Variants in MAF observed in about 807,000 individuals in gnomAD.
MAF encodes the protein transcription factor Maf.
In MAF, 10 loss-of-function variants were observed where a neutral mutation model predicts 22.0. The ratio of observed to expected loss-of-function variants is 0.45; its 90% CI spans 0.28 to 0.77. The LOEUF is 0.77. Ranked by LOEUF, MAF falls within the 30% of genes least tolerant of loss-of-function variation. The probability of loss-of-function intolerance (pLI) is 0.12; values close to 1 mark genes in which losing one functional copy is unlikely to be tolerated. For missense variants in MAF, 544 were observed against 548.4 expected, an observed-to-expected ratio of 0.99 and a Z score of 0.08; for synonymous variants, 337 against 255.8, an observed-to-expected ratio of 1.32 and a Z score of -3.03.
chr16:79,511,809 C>A, the MAF span, among the ~76,000 whole-genome samples: 5 of 152,324 alleles, frequency 3.3e-5, no homozygotes, highest in South Asian at 2.1e-4. Context: ...ACATCTCACA[C>A]TAGAACCAAC....
In MAF at chr16:79,599,643, T is replaced by C. The variant is rs1031812704; in HGVS notation, c.260A>G (p.His87Arg). The change falls in exon 1 of 2, where the codon CAC (histidine) becomes CGC (arginine). Residue 87 changes from histidine to arginine, a missense_variant. His to Arg is a conservative substitution (Grantham distance 29). Around this residue, in one of 5 missense-constraint regions of MAF, gnomAD observed 342 missense variants for 315.5 expected, o/e 1.08. Coordinates refer to ENST00000326043, the MANE Select transcript of MAF (RefSeq NM_005360.5). ...SPGSGSEQKA[H>R]LEDYYWMTGY... Reference sequence around the variant, plus strand: ...GGTCATCCAGTAGTAGTCTTCCAGGTGCGCCTTCTGCTCGCTGCCCGAGCC... The same window carrying C: ...GGTCATCCAGTAGTAGTCTTCCAGGCGCGCCTTCTGCTCGCTGCCCGAGCC... 6.2e-7 allele frequency: 1 copy of C among 1,611,548 alleles called. No individual in the cohort carries two copies. Among genetic ancestry groups the C allele is most frequent in the East Asian group, 2.2e-5 (1 of 44,754 alleles).
At chr16:79,410,238 C>A in the MAF span, among the ~76,000 whole-genome samples, 1 of 152,202 alleles carries the variant, frequency 6.6e-6, no homozygotes, top group Non-Finnish European at 1.5e-5. Flanking sequence ...TCTTTTTCCA[C>A]CACATGGCTG....
the MAF span, among the ~76,000 whole-genome samples, chr16:79,360,487 T>A: frequency 1.3e-5 from 2 of 152,218 alleles, no homozygotes; most frequent in African/African-American, 4.8e-5. Context: ...GTTTTTCTCA[T>A]CTGTAACTTG....
the MAF span, among the ~76,000 whole-genome samples, chr16:79,344,256 T>C: frequency 6.6e-6 from 1 of 152,262 alleles, no homozygotes; most frequent in Non-Finnish European, 1.5e-5. Context: ...GAGGCCCCAG[T>C]GAGATTAAAT....
chr16:79,342,380 T>A, the MAF span, among the ~76,000 whole-genome samples: 2 of 152,348 alleles, frequency 1.3e-5, no homozygotes, highest in East Asian at 3.9e-4. Flanking sequence ...CAAGAGGGGC[T>A]GCAGCATGAG....
At chr16:79,358,198 T>C in the MAF span, among the ~76,000 whole-genome samples, 5 of 152,170 alleles carry the variant, frequency 3.3e-5, no homozygotes, top group African/African-American at 1.2e-4. Context: ...GGCGATGTAA[T>C]GAGAGCTAAG....
At chr16:79,372,670 C>T in the MAF span, among the ~76,000 whole-genome samples, 1 of 152,148 alleles carries the variant, frequency 6.6e-6, no homozygotes, top group Non-Finnish European at 1.5e-5. Context: ...CCGTGTGAAT[C>T]ACAGTTATTG....
the MAF span, among the ~76,000 whole-genome samples, chr16:79,495,483 A>C: frequency 2.0e-5 from 3 of 152,098 alleles, no homozygotes; most frequent in Non-Finnish European, 4.4e-5. Context: ...TGCTCACCTT[A>C]CTTCTATCAC....
chr16:79,564,234 A>AG, the MAF span, among the ~76,000 whole-genome samples: 3 of 152,152 alleles, frequency 2.0e-5, no homozygotes, highest in Non-Finnish European at 4.4e-5. Context: ...TTGTTTCAGG[A>AG]GAAGACGGAA....
chr16:79,458,371 G>A, the MAF span, among the ~76,000 whole-genome samples: 1 of 152,158 alleles, frequency 6.6e-6, no homozygotes. Context: ...ACCAACAGAA[G>A]ACTACTTTGC....
chr16:79,568,139 A>C, the MAF span, among the ~76,000 whole-genome samples: 2 of 152,228 alleles, frequency 1.3e-5, no homozygotes, highest in Non-Finnish European at 2.9e-5. Context: ...TTTCTCAATA[A>C]AATCCAGTCG....
the MAF span, among the ~76,000 whole-genome samples, chr16:79,370,317 A>G: frequency 6.6e-6 from 1 of 152,234 alleles, no homozygotes; most frequent in Middle Eastern, 3.2e-3. Context: ...AAAGAAGAGC[A>G]GCAAGCTGGT....
At chr16:79,356,154 G>A in the MAF span, among the ~76,000 whole-genome samples, 2 of 149,398 alleles carry the variant, frequency 1.3e-5, no homozygotes, top group African/African-American at 2.5e-5. Context: ...ACTCACAAAT[G>A]CATGCATTCA....
the MAF span, among the ~76,000 whole-genome samples, chr16:79,363,971 C>A: frequency 6.6e-6 from 1 of 152,142 alleles, no homozygotes; most frequent in Admixed American, 6.5e-5. Context: ...CTCTTCTGTG[C>A]AGTTCCCTCT....
At chr16:79,477,601 G>C in the MAF span, among the ~76,000 whole-genome samples, 3 of 152,100 alleles carry the variant, frequency 2.0e-5, no homozygotes, top group African/African-American at 4.8e-5. Flanking sequence ...TCCTATAGCT[G>C]CTTTTGTTTC....
At chr16:79,587,884 G>A (rs1597834632) in intron 1 of MAF, among the ~76,000 whole-genome samples, 1 of 145,952 alleles carries the variant, frequency 6.9e-6, no homozygotes, top group Non-Finnish European at 1.5e-5. Flanking sequence ...GGGGGGGGTA[G>A]ATACTATTTG....
At chr16:79,591,672 T>G (rs1913197931), downstream of MAF, among the ~76,000 whole-genome samples, 1 of 152,164 alleles carries the variant, frequency 6.6e-6, no homozygotes, top group African/African-American at 2.4e-5. Context: ...TTTCTGTGCG[T>G]CGTTGGTTTG....
chr16:79,589,902 G>C (rs1046677777), downstream of MAF, among the ~76,000 whole-genome samples: 2 of 152,178 alleles, frequency 1.3e-5, no homozygotes, highest in Non-Finnish European at 1.5e-5. Flanking sequence ...GGGGCGCTGC[G>C]TTGCTGGCGT....
At chr16:79,208,026 C>G in the MAF span, among the ~76,000 whole-genome samples, 1 of 152,150 alleles carries the variant, frequency 6.6e-6, no homozygotes, top group African/African-American at 2.4e-5. Context: ...CTTTCTAAAT[C>G]CCACCTTTCT....
Sources: allele counts gnomAD v4.1 joint callset (sites outside exome capture counted in the v4.1 genomes callset), GRCh38; gene constraint gnomAD v4.1.1; regional missense constraint gnomAD v4.1.1; transcripts MANE v1.5; gene names NCBI Gene and HGNC (gene_info 2026-07-23, HGNC 2026-07-21).